TASP1: variants seen among roughly 807,000 people sequenced by gnomAD.
TASP1 encodes the protein taspase 1.
Under a neutral mutation model 56.6 loss-of-function variants are expected in TASP1, and 16 were observed. The observed-to-expected ratio is 0.28, with a 90% confidence interval of 0.19 to 0.43. The LOEUF is 0.43. Among genes scored for constraint, TASP1 ranks in the 20% least tolerant of loss-of-function variants. The pLI is 1.00. For synonymous variants in TASP1, 179 were observed against 184.2 expected, an observed-to-expected ratio of 0.97 and a Z score of 0.23; for missense variants, 393 against 511.6, an observed-to-expected ratio of 0.77 and a Z score of 2.24.
chr20:13,453,380 G>A (rs1225679312), intron 11 of TASP1, among the ~76,000 whole-genome samples: 2 of 152,092 alleles, frequency 1.3e-5, no homozygotes, highest in African/African-American at 4.8e-5. Context: ...GATCTACTTA[G>A]CATGTTGATG....
the TASP1 span, among the ~76,000 whole-genome samples, chr20:13,312,681 A>C: frequency 6.6e-6 from 1 of 152,082 alleles, no homozygotes; most frequent in Non-Finnish European, 1.5e-5. Flanking sequence ...CATAATAAGA[A>C]AGCAAACTAT....
chr20:13,158,996 T>C, the TASP1 span, among the ~76,000 whole-genome samples: 3 of 152,348 alleles, frequency 2.0e-5, no homozygotes, highest in African/African-American at 4.8e-5. Flanking sequence ...ACCTCACTTA[T>C]GGGTAAAGTC....
In TASP1 at chr20:13,534,006, A is replaced by C; in HGVS notation, c.795+16T>G. On this transcript the variant is annotated intron_variant, in intron 9 of 13. Transcript: ENST00000337743. Reference sequence around the variant, plus strand: ...TTACTTTGAAAGGCTAGTTTAAAAAACCCATAATTACTTACCTGCCCAACT... The same window carrying C: ...TTACTTTGAAAGGCTAGTTTAAAAACCCCATAATTACTTACCTGCCCAACT... 1 of 1,597,956 alleles carries C rather than the reference A, an allele frequency of 6.3e-7. No homozygotes were observed. The highest frequency in any genetic ancestry group is 8.5e-7 in the Non-Finnish European group (1 of 1,173,344).
At chr20:13,623,676 G>A (rs971832524) in intron 3 of TASP1, among the ~76,000 whole-genome samples, 162 bp from the exon 4 acceptor site, 15 of 152,142 alleles carry the variant, frequency 9.9e-5, no homozygotes, top group Non-Finnish European at 1.8e-4. Context: ...ACAAGCAAGT[G>A]TTTATATTCA....
intron 10 of TASP1, among the ~76,000 whole-genome samples, chr20:13,499,448 A>T (rs889461621): frequency 1.4e-5 from 2 of 147,070 alleles, no homozygotes; most frequent in Non-Finnish European, 3.0e-5. Flanking sequence ...TCTAAAATAA[A>T]AGCTGAAATC....
At position 13,436,533 on chromosome 20, in the gene TASP1, C is replaced by T. The variant is rs79303438; in HGVS notation, c.986-1379G>A. On this transcript the variant is annotated intron_variant, in intron 11 of 13. Transcript: ENST00000337743. The stretch of plus-strand genomic sequence containing the variant: ...CAAAAAGGAAGTGACTCCTCCCTAA[C>T]GCTGAAGAAGCCAGGATATTTACTC... Among the ~76,000 whole-genome samples, 27 of 152,184 alleles carry T rather than the reference C, an allele frequency of 1.8e-4. No individual in the cohort carries two copies. The East Asian group carries it at 4.8e-3, about 27-fold the overall frequency.
At chr20:13,334,344 T>G in the TASP1 span, among the ~76,000 whole-genome samples, 1 of 152,364 alleles carries the variant, frequency 6.6e-6, no homozygotes. Flanking sequence ...TACACTTTAA[T>G]GCAATAATGC....
At chr20:13,238,139 A>G in the TASP1 span, 3 of 152,216 alleles carry the variant, frequency 2.0e-5, no homozygotes, top group Admixed American at 2.0e-4. Flanking sequence ...AATACTTTTG[A>G]GAGCACTGTG....
chr20:13,580,965 G>A lies in TASP1; in HGVS notation c.420C>T (p.Val140=), dbSNP rs770357463. 1 of 1,604,736 alleles carries A rather than the reference G, an allele frequency of 6.2e-7. No individual in the cohort carries two copies. The highest frequency in any genetic ancestry group is 2.2e-5 in the East Asian group (1 of 44,648). The change falls in exon 6 of 14, where the codon GTC becomes GTT. Residue 140 remains valine, a synonymous_variant. Coordinates refer to ENST00000337743, the MANE Select transcript of TASP1 (RefSeq NM_017714.3). ...CACATAAGAGTCTGTTGGCAACCGAGACTGGGTTCTTGATTCCTATAAAAA... is the reference window on the plus strand; with the variant it reads ...CACATAAGAGTCTGTTGGCAACCGAAACTGGGTTCTTGATTCCTATAAAAA... ...VGALSGIKNP[V]SVANRLLCEG...
At chr20:13,126,736 A>G in the TASP1 span, 2 of 1,613,490 alleles carry the variant, frequency 1.2e-6, no homozygotes, top group Non-Finnish European at 1.7e-6. Context: ...ATCTGCAGAG[A>G]GCACAGCTCC....
the TASP1 span, among the ~76,000 whole-genome samples, chr20:13,250,516 G>C: frequency 2.0e-3 from 305 of 152,122 alleles, no homozygotes; most frequent in African/African-American, 7.1e-3. Flanking sequence ...AAGCATGCCA[G>C]GCAGCTTCCA....
intron 11 of TASP1, among the ~76,000 whole-genome samples, chr20:13,451,361 T>C (rs2043610318): frequency 6.6e-6 from 1 of 152,244 alleles, no homozygotes; most frequent in South Asian, 2.1e-4. Context: ...TGGCCAGCTA[T>C]GAAAGTCCTA....
chr20:13,421,686 A>T (rs2042438076), intron 12 of TASP1, among the ~76,000 whole-genome samples: 1 of 152,218 alleles, frequency 6.6e-6, no homozygotes, highest in African/African-American at 2.4e-5. Flanking sequence ...GGTTTCAGAT[A>T]TCAAAAAGTT....
chr20:13,533,579 G>A (rs780277212), intron 9 of TASP1, among the ~76,000 whole-genome samples: 14 of 152,066 alleles, frequency 9.2e-5, no homozygotes, highest in Admixed American at 2.0e-4. Flanking sequence ...ATCAGAGGAG[G>A]GATGTAAAGG....
chr20:13,583,086 T>A lies in TASP1; in HGVS notation c.404-2105A>T, dbSNP rs532057688. Among the ~76,000 whole-genome samples the A allele has an allele frequency of 1.1e-4, 16 of 152,340 alleles. No individual in the cohort carries two copies. The South Asian group carries it at 3.3e-3, about 32-fold the overall frequency. On this transcript the variant is annotated intron_variant, in intron 5 of 13. Coordinates refer to ENST00000337743, the MANE Select transcript of TASP1 (RefSeq NM_017714.3). ...GCATAGCTGAGAGCTCCAGAAAGAA[T>A]GAGACCATACTCCAATTCAGGTCAT...
chr20:13,410,530 G>A (rs1287855233), intron 13 of TASP1, among the ~76,000 whole-genome samples: 4 of 152,134 alleles, frequency 2.6e-5, no homozygotes, highest in East Asian at 3.9e-4. Context: ...TCCAAGTGGG[G>A]TAAGATAATA....
At chr20:13,576,156 C>T (rs2046898241) in intron 6 of TASP1, among the ~76,000 whole-genome samples, 1 of 129,212 alleles carries the variant, frequency 7.7e-6, no homozygotes, top group Admixed American at 8.6e-5. Context: ...GAGCCGAGAT[C>T]ATGCCATTGC....
chr20:13,503,450 C>T (rs1348143219), intron 10 of TASP1, among the ~76,000 whole-genome samples: 2 of 152,052 alleles, frequency 1.3e-5, no homozygotes, highest in Non-Finnish European at 2.9e-5. Flanking sequence ...TCTCAGAATC[C>T]CTAGCTGGGC....
At chr20:13,589,724 C>T (rs2047450854) in intron 4 of TASP1, among the ~76,000 whole-genome samples, 1 of 151,622 alleles carries the variant, frequency 6.6e-6, no homozygotes, top group Non-Finnish European at 1.5e-5. Context: ...GGATTTATAT[C>T]CAGAATATAT....
Sources: gnomAD v4.1 joint callset for allele counts (sites outside exome capture counted in the v4.1 genomes callset) on GRCh38, gnomAD v4.1.1 for gene constraint, MANE v1.5 for transcripts, NCBI Gene and HGNC (gene_info 2026-07-23, HGNC 2026-07-21) for gene names.